FRAS1: variants seen among roughly 807,000 people sequenced by gnomAD.
The protein encoded by FRAS1 is extracellular matrix organizing protein FRAS1.
In FRAS1, 290 loss-of-function variants were observed where a neutral mutation model predicts 435.2. The ratio of observed to expected loss-of-function variants is 0.67; its 90% confidence interval spans 0.61 to 0.73. The LOEUF is 0.73. Among genes scored for constraint, FRAS1 ranks in the 30% least tolerant of loss-of-function variants. The probability of loss-of-function intolerance (pLI) is 0.00; values close to 1 mark genes in which losing one functional copy is unlikely to be tolerated. For synonymous variants in FRAS1, 1,800 were observed against 1,851.0 expected (o/e 0.97, Z 0.71); for missense variants, 4,860 against 5,001.5 (o/e 0.97, Z 0.85).
intron 2 of FRAS1, among the ~76,000 whole-genome samples, chr4:78,192,389 C>T (rs1370499545): frequency 3.3e-5 from 5 of 151,992 alleles, no homozygotes; most frequent in African/African-American, 9.7e-5. Context: ...TGGTAGAATT[C>T]GGCTGTGAAT....
chr4:78,113,124 A>T (rs1450820029), intron 2 of FRAS1, among the ~76,000 whole-genome samples: 2 of 152,170 alleles, frequency 1.3e-5, no homozygotes, highest in Non-Finnish European at 2.9e-5. Context: ...GATGGTTTCC[A>T]GCTTCATCCA....
At chr4:78,276,194 G>A (rs200483229) in intron 9 of FRAS1, among the ~76,000 whole-genome samples, 1 of 152,082 alleles carries the variant, frequency 6.6e-6, no homozygotes, top group Non-Finnish European at 1.5e-5. Flanking sequence ...CTCTACACTG[G>A]TTGTTCTGGT....
intron 4 of FRAS1, among the ~76,000 whole-genome samples, chr4:78,248,553 G>A (rs1725368203): frequency 6.6e-6 from 1 of 152,124 alleles, no homozygotes; most frequent in Admixed American, 6.5e-5. Context: ...TGTTTGTGAG[G>A]CTAAAAGGAT....
At position 78,134,456 on chromosome 4, in the gene FRAS1, T is replaced by A. The variant is rs537670318; in HGVS notation, c.108+68440T>A. The stretch of plus-strand genomic sequence containing the variant: ...GGGCCTGTAATCACATCATTTTTAC[T>A]TGTAGGATTAGTTTTGGTTTCTGGA... On this transcript the variant is annotated intron_variant, in intron 2 of 73. Coordinates refer to ENST00000512123, the MANE Select transcript of FRAS1 (RefSeq NM_025074.7). 2.0e-3 allele frequency among the ~76,000 whole-genome samples: 302 copies of A among 152,342 alleles called. No homozygotes were observed. In the Middle Eastern group the frequency reaches 0.027, roughly 14 times the overall value.
At chr4:78,305,345 T>G (rs1305549890) in intron 14 of FRAS1, among the ~76,000 whole-genome samples, 2 of 151,574 alleles carry the variant, frequency 1.3e-5, no homozygotes, top group Non-Finnish European at 2.9e-5. Flanking sequence ...TCTGTTGATT[T>G]GGGGTGGAGA....
intron 15 of FRAS1, among the ~76,000 whole-genome samples, chr4:78,313,667 T>C (rs983865330): frequency 1.1e-4 from 16 of 152,230 alleles, no homozygotes; most frequent in Admixed American, 1.3e-4. Flanking sequence ...TTTTTGAATA[T>C]GCATCCCTCT....
At chr4:78,371,819 ACAG>A (rs769845593) in intron 23 of FRAS1, among the ~76,000 whole-genome samples, 3 of 152,190 alleles carry the variant, frequency 2.0e-5, no homozygotes, top group African/African-American at 4.8e-5. Flanking sequence ...ATTAAAAACA[ACAG>A]CAACAGCAAC....
At chr4:78,128,142 C>T (rs1169866227) in intron 2 of FRAS1, among the ~76,000 whole-genome samples, 4 of 152,004 alleles carry the variant, frequency 2.6e-5, no homozygotes, top group Non-Finnish European at 4.4e-5. Context: ...TTTCTTAATC[C>T]AGTCTATCAT....
At chr4:78,524,671 T>C (rs934809591) in intron 69 of FRAS1, among the ~76,000 whole-genome samples, 2 of 152,194 alleles carry the variant, frequency 1.3e-5, no homozygotes, top group African/African-American at 4.8e-5. Flanking sequence ...TCAACAAGTA[T>C]TTATGGAATG....
intron 2 of FRAS1, among the ~76,000 whole-genome samples, chr4:78,099,613 TC>T (rs761848098): frequency 6.6e-6 from 1 of 152,196 alleles, no homozygotes; most frequent in Non-Finnish European, 1.5e-5. Flanking sequence ...ATAATCTTAC[TC>T]ATAATCCTGT....
intron 35 of FRAS1, among the ~76,000 whole-genome samples, chr4:78,425,818 A>G (rs1560720364): frequency 6.6e-6 from 1 of 152,168 alleles, no homozygotes; most frequent in Non-Finnish European, 1.5e-5. Flanking sequence ...AGCATTTTAA[A>G]CCTAAGGATA....
chr4:78,522,822 T>G lies in FRAS1; in HGVS notation c.10808+14T>G. 6.3e-7 allele frequency: 1 copy of G among 1,588,900 alleles called. No homozygotes were observed. The highest frequency in any genetic ancestry group is 8.6e-7 in the Non-Finnish European group (1 of 1,169,494). On this transcript the variant is annotated intron_variant, in intron 69 of 73. Transcript: ENST00000512123. Reference sequence around the variant, plus strand: ...CTCTTATAACAGGTAAATACAGTGATGGAGGCCTCCATGGGTAGAGCTGAA... The same window carrying G: ...CTCTTATAACAGGTAAATACAGTGAGGGAGGCCTCCATGGGTAGAGCTGAA...
chr4:78,300,115 A>T, intron 14 of FRAS1, among the ~76,000 whole-genome samples: 1 of 152,228 alleles, frequency 6.6e-6, no homozygotes, highest in East Asian at 1.9e-4. Flanking sequence ...TGATGACTAC[A>T]GTCAGTAATG....
At chr4:78,255,174 C>A in intron 5 of FRAS1, 68 bp from the exon 6 acceptor site, 1 of 1,507,052 alleles carries the variant, frequency 6.6e-7, no homozygotes, top group Non-Finnish European at 9.0e-7. Flanking sequence ...GGCTGCACGC[C>A]CATGCAGTCA....
chr4:78,113,627 T>C (rs1292196136), intron 2 of FRAS1, among the ~76,000 whole-genome samples: 1 of 152,270 alleles, frequency 6.6e-6, no homozygotes, highest in Non-Finnish European at 1.5e-5. Flanking sequence ...AAATGTCTTC[T>C]TTTGAGAAAT....
At chr4:78,174,829 T>C (rs139612404) in intron 2 of FRAS1, among the ~76,000 whole-genome samples, 28 of 152,364 alleles carry the variant, frequency 1.8e-4, no homozygotes, top group African/African-American at 6.0e-4. Flanking sequence ...TGGGAATACC[T>C]GTGTAGGAAT....
intron 47 of FRAS1, among the ~76,000 whole-genome samples, chr4:78,453,625 A>AC (rs1379687504): frequency 6.6e-6 from 1 of 151,916 alleles, no homozygotes; most frequent in Admixed American, 6.6e-5. Flanking sequence ...ACATAGTGAG[A>AC]CCCCGTTTAT....
chr4:78,143,903 C>CAAAAAA (rs60130624), intron 2 of FRAS1, among the ~76,000 whole-genome samples: 1 of 78,118 alleles, frequency 1.3e-5, no homozygotes, highest in Non-Finnish European at 2.6e-5. Flanking sequence ...GACCCTGTCT[C>CAAAAAA]AAAAAAAAAA....
At chr4:78,129,248 G>A (rs1719559150) in intron 2 of FRAS1, among the ~76,000 whole-genome samples, 1 of 152,056 alleles carries the variant, frequency 6.6e-6, no homozygotes, top group Non-Finnish European at 1.5e-5. Context: ...GCTCTTTTTT[G>A]GTTCCATATG....
Sources: allele counts gnomAD v4.1 joint callset (sites outside exome capture counted in the v4.1 genomes callset), GRCh38; gene constraint gnomAD v4.1.1; transcripts MANE v1.5; gene names NCBI Gene and HGNC (gene_info 2026-07-23, HGNC 2026-07-21).